The following ERBB4 variants were observed in gnomAD, a reference collection of about 807,000 sequenced individuals.
ERBB4 encodes receptor tyrosine-protein kinase erbB-4.
Under a neutral mutation model 158.0 loss-of-function variants are expected in ERBB4, and 42 were observed. The observed-to-expected ratio is 0.27, with a 90% CI of 0.21 to 0.34. The LOEUF (loss-of-function observed/expected upper bound fraction) is 0.34. ERBB4 is among the 10% of genes least tolerant of loss of function. The pLI, the probability that ERBB4 is intolerant of heterozygous loss-of-function variation, is 1.00. For synonymous variants in ERBB4, 583 were observed against 558.7 expected, an observed-to-expected ratio of 1.04 and a Z score of -0.61; for missense variants, 1,333 against 1,624.1, an observed-to-expected ratio of 0.82 and a Z score of 3.08.
Position 211,562,077 on chromosome 2 carries a change from G to A in ERBB4, c.2313C>T (p.Ile771=), listed in dbSNP as rs1459469442. The A allele has an allele frequency of 6.2e-7, 1 of 1,613,390 alleles. No homozygotes were observed. The highest frequency in any genetic ancestry group is 8.5e-7 in the Non-Finnish European group (1 of 1,180,004). Residue 771 remains isoleucine (I), a synonymous_variant, in exon 20 of 28, where the codon ATC becomes ATT. Transcript: ENST00000342788. ...ANVEFMDEAL[I]MASMDHPHLV... The stretch of plus-strand genomic sequence containing the variant: ...GGTGTGGATGATCCATACTTGCCAT[G>A]ATCAGAGCTTCCTGTAAGAAAAAAA...
intron 2 of ERBB4, among the ~76,000 whole-genome samples, chr2:212,110,243 T>C (rs2079363123): frequency 6.6e-6 from 1 of 152,188 alleles, no homozygotes; most frequent in South Asian, 2.1e-4. Flanking sequence ...TGGAGCTCAT[T>C]TAGCATTTGT....
intron 1 of ERBB4, among the ~76,000 whole-genome samples, chr2:212,287,023 A>G (rs571199243): frequency 1.3e-5 from 2 of 151,804 alleles, no homozygotes; most frequent in East Asian, 3.9e-4. Context: ...CTGAGAGACA[A>G]GTAACCATAA....
At chr2:212,373,909 A>G (rs1462982246) in intron 1 of ERBB4, among the ~76,000 whole-genome samples, 2 of 96,694 alleles carry the variant, frequency 2.1e-5, no homozygotes, top group African/African-American at 5.1e-5. Context: ...ATATCCATGT[A>G]TATATCCATA....
chr2:212,074,884 T>C (rs763487947), intron 2 of ERBB4, among the ~76,000 whole-genome samples: 28 of 151,980 alleles, frequency 1.8e-4, no homozygotes, highest in Non-Finnish European at 2.8e-4. Flanking sequence ...TCCTTTCCTC[T>C]AACCAAACAA....
intron 4 of ERBB4, among the ~76,000 whole-genome samples, chr2:211,786,735 A>G (rs890746594): frequency 1.4e-4 from 21 of 152,160 alleles, no homozygotes; most frequent in African/African-American, 4.8e-4. Flanking sequence ...GAGAGTCAGC[A>G]GGTCTTTCCT....
chr2:211,835,621 T>C (rs1363658267), intron 3 of ERBB4, among the ~76,000 whole-genome samples: 1 of 152,102 alleles, frequency 6.6e-6, no homozygotes, highest in Non-Finnish European at 1.5e-5. Flanking sequence ...AAACATTTAA[T>C]GAAAAACATC....
chr2:212,467,812 T>C (rs913774263), intron 1 of ERBB4, among the ~76,000 whole-genome samples: 1 of 152,194 alleles, frequency 6.6e-6, no homozygotes, highest in African/African-American at 2.4e-5. Context: ...CAGCTTGCAC[T>C]GTGCACCTGG....
At chr2:211,420,374 C>A in intron 25 of ERBB4, 67 bp downstream of exon 25, 1 of 1,124,640 alleles carries the variant, frequency 8.9e-7, no homozygotes, top group Non-Finnish European at 1.3e-6. Flanking sequence ...AATGTTAGTG[C>A]TTATGAACTA....
intron 1 of ERBB4, among the ~76,000 whole-genome samples, chr2:212,266,400 T>C (rs1384672170): frequency 2.0e-5 from 3 of 151,976 alleles, no homozygotes; most frequent in African/African-American, 2.4e-5. Flanking sequence ...ACAAGGACTG[T>C]TGTTACAAAA....
chr2:212,216,753 T>C (rs532424521), intron 1 of ERBB4, among the ~76,000 whole-genome samples: 1 of 151,352 alleles, frequency 6.6e-6, no homozygotes, highest in African/African-American at 2.4e-5. Context: ...CATAGCAGAT[T>C]ATATACATAA....
chr2:212,352,443 T>C (rs746066497), intron 1 of ERBB4, among the ~76,000 whole-genome samples: 4 of 152,128 alleles, frequency 2.6e-5, no homozygotes, highest in Non-Finnish European at 5.9e-5. Flanking sequence ...ATAAAACTAA[T>C]AATTTATTAC....
chr2:211,735,543 G>A (rs2074573507), intron 5 of ERBB4, among the ~76,000 whole-genome samples: 1 of 152,232 alleles, frequency 6.6e-6, no homozygotes, highest in African/African-American at 2.4e-5. Flanking sequence ...TCTGCATTAC[G>A]TCTCTGAAAA....
intron 20 of ERBB4, among the ~76,000 whole-genome samples, chr2:211,502,551 T>C (rs971019731): frequency 6.6e-6 from 1 of 152,096 alleles, no homozygotes; most frequent in Non-Finnish European, 1.5e-5. Context: ...TGAACATGAG[T>C]GTGCTACAGA....
chr2:211,399,063 A>G (rs367830717), intron 25 of ERBB4, among the ~76,000 whole-genome samples: 2 of 152,242 alleles, frequency 1.3e-5, no homozygotes, highest in African/African-American at 4.8e-5. Flanking sequence ...TACTTCCTCA[A>G]TGCTCTTTCT....
At chr2:211,433,347 C>T (rs1038443655) in intron 20 of ERBB4, among the ~76,000 whole-genome samples, 3 of 151,418 alleles carry the variant, frequency 2.0e-5, no homozygotes, top group African/African-American at 7.3e-5. Flanking sequence ...TTTGGGAGGC[C>T]GAGGTGGGTG....
At chr2:211,577,460 A>G (rs544381622) in intron 19 of ERBB4, among the ~76,000 whole-genome samples, 3 of 152,190 alleles carry the variant, frequency 2.0e-5, no homozygotes, top group Admixed American at 6.5e-5. Flanking sequence ...AACTCATTTT[A>G]TGAGGCCAGT....
At chr2:211,727,721 G>A (rs953626674) in intron 5 of ERBB4, among the ~76,000 whole-genome samples, 6 of 151,820 alleles carry the variant, frequency 4.0e-5, no homozygotes, top group African/African-American at 1.2e-4. Flanking sequence ...ATAAAATAAT[G>A]CACAATATTG....
At chr2:212,292,935 TA>T (rs149855706) in intron 1 of ERBB4, among the ~76,000 whole-genome samples, 2,255 of 152,072 alleles carry the variant, frequency 0.015, 58 homozygotes, top group African/African-American at 0.052. Flanking sequence ...ATCAACAAAA[TA>T]AATGGTCCCA....
chr2:211,929,702 A>T (rs2080120728), intron 3 of ERBB4, among the ~76,000 whole-genome samples: 4 of 152,196 alleles, frequency 2.6e-5, no homozygotes. Context: ...GAATAGAGAA[A>T]TAGAATTATA....
Sources: gnomAD v4.1 joint callset for allele counts (sites outside exome capture counted in the v4.1 genomes callset) on GRCh38, gnomAD v4.1.1 for gene constraint, MANE v1.5 for transcripts, NCBI Gene and HGNC (gene_info 2026-07-23, HGNC 2026-07-21) for gene names.